The following SORCS3 variants were observed in gnomAD, a reference collection of about 807,000 sequenced individuals.
SORCS3 encodes the protein VPS10 domain-containing receptor SorCS3.
In SORCS3, 57 loss-of-function variants were observed where a neutral mutation model predicts 146.3. That is an observed-to-expected ratio of 0.39 (90% CI 0.31 to 0.49). SORCS3 has a LOEUF of 0.49. SORCS3 is among the 20% of genes least tolerant of loss of function. The pLI is 0.92. For synonymous variants in SORCS3, 653 were observed against 618.5 expected (o/e 1.06, Z -0.83); for missense variants, 1,341 against 1,575.5 (o/e 0.85, Z 2.52).
chr10:104,840,709 T>G lies in SORCS3; in HGVS notation c.628-2083T>G, dbSNP rs2018127980. On this transcript the variant is annotated intron_variant, in intron 1 of 26. Coordinates refer to ENST00000369701, the MANE Select transcript of SORCS3 (RefSeq NM_014978.3). ...TCTAGTGGTTAGAAGCTCTGCTAAT[T>G]AAGTGAAACTCTTACCCTCAGCATC... Among the ~76,000 whole-genome samples the G allele has an allele frequency of 4.1e-5, 4 of 96,924 alleles. No homozygotes were observed. In the South Asian group the frequency reaches 1.4e-3, roughly 34 times the overall value. The allele number at this position is 96,924 out of a possible 152,430, so 63.6% of individuals were successfully genotyped here.
chr10:104,663,906 G>A (rs193202659), intron 1 of SORCS3, among the ~76,000 whole-genome samples: 1 of 151,936 alleles, frequency 6.6e-6, no homozygotes, highest in East Asian at 1.9e-4. Flanking sequence ...TCCCCACCCC[G>A]GCCTCTCTGA....
chr10:105,122,508 TTGAC>T (rs1347781515), intron 7 of SORCS3, among the ~76,000 whole-genome samples: 2 of 152,316 alleles, frequency 1.3e-5, no homozygotes, highest in East Asian at 3.9e-4. Context: ...GAGGTATTGA[TTGAC>T]TGACTGATTC....
intron 3 of SORCS3, among the ~76,000 whole-genome samples, chr10:104,969,534 A>G (rs1235943754): frequency 1.3e-5 from 2 of 152,112 alleles, no homozygotes; most frequent in Admixed American, 1.3e-4. Context: ...AATCCAGAAT[A>G]TGTCAGTATC....
intron 1 of SORCS3, among the ~76,000 whole-genome samples, chr10:104,826,879 T>G (rs1340200068): frequency 6.6e-6 from 1 of 152,252 alleles, no homozygotes; most frequent in Non-Finnish European, 1.5e-5. Context: ...CCACTCAGTT[T>G]ATGGAATAGT....
At chr10:105,234,477 C>T (rs1198806857) in intron 20 of SORCS3, among the ~76,000 whole-genome samples, 1 of 149,076 alleles carries the variant, frequency 6.7e-6, no homozygotes. Context: ...TTTTCTGTTT[C>T]TTTTTCTGTT....
In SORCS3 at chr10:105,127,088, T is replaced by C. The variant is rs527617596; in HGVS notation, c.1213-12309T>C. Among the ~76,000 whole-genome samples, 18 of 152,226 alleles carry C rather than the reference T, an allele frequency of 1.2e-4. No homozygotes were observed. In the South Asian group the frequency reaches 3.7e-3, roughly 32 times the overall value. ...ATAGTGGAATGGTGGCCGGTATCCA[T>C]AATGAGATTTTTAAACATGATTAAC... On this transcript the variant is annotated intron_variant, in intron 7 of 26. Transcript: ENST00000369701.
At chr10:105,043,016 G>T (rs936404698) in intron 4 of SORCS3, 39 bp from the exon 5 acceptor site, 2 of 1,584,330 alleles carry the variant, frequency 1.3e-6, no homozygotes, top group African/African-American at 1.3e-5. Flanking sequence ...CCCAGCAGTG[G>T]TTCCTTGAGA....
intron 4 of SORCS3, among the ~76,000 whole-genome samples, chr10:105,006,388 A>C (rs1032992016): frequency 4.0e-5 from 6 of 151,768 alleles, no homozygotes; most frequent in Non-Finnish European, 8.8e-5. Context: ...CTCCTCCTCT[A>C]CTCACTTCTG....
At chr10:105,255,891 A>G (rs1401136851) in intron 24 of SORCS3, 90 bp downstream of exon 24, 3 of 1,065,920 alleles carry the variant, frequency 2.8e-6, no homozygotes, top group East Asian at 2.5e-5. Flanking sequence ...CCTGCTGCAT[A>G]ATGTCTGAAA....
Position 105,157,304 on chromosome 10 carries a change from G to A in SORCS3, c.1629+20G>A. 4 of 1,612,994 alleles carry A rather than the reference G, an allele frequency of 2.5e-6. No homozygotes were observed. The highest frequency in any genetic ancestry group is 3.4e-6 in the Non-Finnish European group (4 of 1,179,264). Reference sequence around the variant, plus strand: ...CTGCTGGTCAGTCACTCAGCCTCATGGGAAGTTCACAGGGCAGGCTGGCCA... The same window carrying A: ...CTGCTGGTCAGTCACTCAGCCTCATAGGAAGTTCACAGGGCAGGCTGGCCA... On this transcript the variant is annotated intron_variant, in intron 10 of 26. Coordinates refer to ENST00000369701, the MANE Select transcript of SORCS3 (RefSeq NM_014978.3).
chr10:104,949,634 G>T (rs978904452), intron 3 of SORCS3, among the ~76,000 whole-genome samples: 3 of 152,202 alleles, frequency 2.0e-5, no homozygotes, highest in African/African-American at 7.2e-5. Context: ...GTCTGGCTTA[G>T]ACTAGGTAGG....
chr10:104,757,202 A>T (rs914899997), intron 1 of SORCS3, among the ~76,000 whole-genome samples: 8 of 151,656 alleles, frequency 5.3e-5, no homozygotes, highest in African/African-American at 1.7e-4. Flanking sequence ...CAACCCAATT[A>T]GAGGTGACCA....
intron 1 of SORCS3, among the ~76,000 whole-genome samples, chr10:104,705,397 C>T (rs1016919051): frequency 2.6e-5 from 4 of 151,964 alleles, no homozygotes; most frequent in Admixed American, 6.5e-5. Flanking sequence ...TCCCTACTCC[C>T]AGTATTTTAT....
chr10:105,190,297 A>G (rs1489113377), intron 14 of SORCS3, among the ~76,000 whole-genome samples: 1 of 152,240 alleles, frequency 6.6e-6, no homozygotes, highest in Non-Finnish European at 1.5e-5. Flanking sequence ...TCTGAACCTC[A>G]GTTTCCTCAT....
At chr10:104,865,101 T>G (rs2018445448) in intron 2 of SORCS3, among the ~76,000 whole-genome samples, 1 of 152,178 alleles carries the variant, frequency 6.6e-6, no homozygotes, top group Non-Finnish European at 1.5e-5. Flanking sequence ...TAGGGGTTAT[T>G]TATTTATTTC....
intron 5 of SORCS3, among the ~76,000 whole-genome samples, chr10:105,088,622 CCT>C (rs1184890690): frequency 1.3e-5 from 2 of 152,106 alleles, no homozygotes; most frequent in Non-Finnish European, 2.9e-5. Flanking sequence ...GCCATCAGCC[CCT>C]GTTTCTTTTC....
At chr10:104,761,271 A>G (rs1481957324) in intron 1 of SORCS3, among the ~76,000 whole-genome samples, 1 of 152,214 alleles carries the variant, frequency 6.6e-6, no homozygotes, top group Non-Finnish European at 1.5e-5. Context: ...ATGGGTGTTC[A>G]GGGAACTAAA....
intron 1 of SORCS3, among the ~76,000 whole-genome samples, chr10:104,765,882 T>C (rs888819190): frequency 2.6e-5 from 4 of 152,178 alleles, no homozygotes; most frequent in Admixed American, 2.6e-4. Context: ...AGACCTGGGA[T>C]TCCCACCCAG....
chr10:105,002,428 A>G (rs950236255), intron 4 of SORCS3, among the ~76,000 whole-genome samples: 4 of 152,206 alleles, frequency 2.6e-5, no homozygotes, highest in African/African-American at 9.6e-5. Context: ...AAGGATTTAT[A>G]TCCTAGAGAG....
Sources: allele counts gnomAD v4.1 joint callset (sites outside exome capture counted in the v4.1 genomes callset), GRCh38; gene constraint gnomAD v4.1.1; transcripts MANE v1.5; gene names NCBI Gene and HGNC (gene_info 2026-07-23, HGNC 2026-07-21).